RASSF3: variants seen among roughly 807,000 people sequenced by gnomAD.
RASSF3 encodes the protein Ras association domain family member 3.
RASSF3 carries 19 observed loss-of-function variants against 19.9 expected under a neutral mutation model. The observed-to-expected ratio is 0.96, with a 90% CI of 0.67 to 1.40. The LOEUF (loss-of-function observed/expected upper bound fraction) is 1.40. RASSF3 is among the 40% of genes most tolerant of loss of function. The pLI is 0.00. For missense variants in RASSF3, 306 were observed against 289.8 expected (o/e 1.06, Z -0.41); for synonymous variants, 110 against 104.2 (o/e 1.06, Z -0.34).
rs533167484 is a variant in RASSF3 at position 64,675,047 on chromosome 12, C to G, written c.112-9740C>G. Among the ~76,000 whole-genome samples, 253 of 106,908 alleles carry G rather than the reference C, an allele frequency of 2.4e-3. 35 individuals are homozygous for G. The highest frequency in any genetic ancestry group is 9.6e-3 in the African/African-American group (241 of 25,228). 70.1% of individuals were successfully genotyped at this position (106,908 alleles called of 152,430 possible). A position where few individuals can be genotyped will look rare whatever the true frequency, so the allele number is the denominator to read the frequency against. ...AAGTTGTCTAAAATACCCACCTAGC[C>G]CCCCCCCCCCCCGCCACCCCGGCTT... On this transcript the variant is annotated intron_variant, in intron 1 of 4. Transcript: ENST00000542104.
chr12:64,532,520 T>C (rs571126176), upstream of RASSF3, among the ~76,000 whole-genome samples: 1 of 152,246 alleles, frequency 6.6e-6, no homozygotes, highest in African/African-American at 2.4e-5. Context: ...GCACTTTTCA[T>C]ACTTATCGCA....
At chr12:64,637,471 C>T (rs2136179007) in intron 1 of RASSF3, among the ~76,000 whole-genome samples, 1 of 150,644 alleles carries the variant, frequency 6.6e-6, no homozygotes, top group East Asian at 1.9e-4. Context: ...TTGCCCAGGC[C>T]CAGGCTGGAG....
At position 64,610,817 on chromosome 12, in the gene RASSF3, C is replaced by T. The variant is rs1870327478; in HGVS notation, c.111+74C>T. On this transcript the variant is annotated intron_variant, in intron 1 of 4. Transcript: ENST00000542104. ...GAACCCGCCAGCCCGCGCCCCCTGC[C>T]TCCACGTGTCTCTGCGGGGCGCTCG... 1.0e-5 allele frequency: 9 copies of T among 863,728 alleles called. 1 individual carries two copies. The South Asian group carries it at 1.6e-4, about 15-fold the overall frequency. The allele number at this position is 863,728 out of a possible 1,614,324, so 53.5% of individuals were successfully genotyped here.
intron 2 of RASSF3, among the ~76,000 whole-genome samples, chr12:64,602,676 A>G (rs907580776): frequency 1.3e-5 from 2 of 152,122 alleles, no homozygotes; most frequent in Admixed American, 6.5e-5. Flanking sequence ...CGCTGAGCCC[A>G]GGAGTTCGAG....
chr12:64,610,915 G>A (rs1870332529), intron 1 of RASSF3, among the ~76,000 whole-genome samples, 172 bp downstream of exon 1: 1 of 152,162 alleles, frequency 6.6e-6, no homozygotes, highest in African/African-American at 2.4e-5. Context: ...GAACGTGCCT[G>A]GAGCTTGTGC....
chr12:64,695,046 C>T lies in RASSF3; in HGVS notation c.*134C>T, dbSNP rs142910563. The T allele has an allele frequency of 6.9e-4, 669 of 964,248 alleles. 2 individuals are homozygous for T. The African/African-American group carries it at 0.01, about 15-fold the overall frequency. The allele number at this position is 964,248 out of a possible 1,614,324, so 59.7% of individuals were successfully genotyped here. A position where few individuals can be genotyped will look rare whatever the true frequency, so the allele number is the denominator to read the frequency against. On this transcript the variant is annotated 3_prime_UTR_variant, in exon 5 of 5. Coordinates refer to ENST00000542104, the MANE Select transcript of RASSF3 (RefSeq NM_178169.4). ...CGCCTTTCTATCTGTAGATTTTGTT[C>T]CCCAAACCTGGTCACACAGCATCCT...
chr12:64,654,830 A>T (rs1872100164), intron 1 of RASSF3: 1 of 152,242 alleles, frequency 6.6e-6, no homozygotes, highest in Non-Finnish European at 1.5e-5. Context: ...ATGCCACTGC[A>T]CTCCAGCCTG....
chr12:64,674,495 C>T (rs753842071), intron 1 of RASSF3, among the ~76,000 whole-genome samples: 46 of 152,268 alleles, frequency 3.0e-4, no homozygotes, highest in Non-Finnish European at 5.7e-4. Flanking sequence ...GTAGGAGGAT[C>T]GCTTGAGCCT....
intron 1 of RASSF3, among the ~76,000 whole-genome samples, chr12:64,631,769 C>G (rs1396800348): frequency 6.6e-6 from 1 of 151,996 alleles, no homozygotes; most frequent in Non-Finnish European, 1.5e-5. Context: ...GGAGTTTTGC[C>G]ATGTTGGCCA....
At chr12:64,607,444 A>G (rs1184648323), upstream of RASSF3, among the ~76,000 whole-genome samples, 1 of 152,038 alleles carries the variant, frequency 6.6e-6, no homozygotes, top group Non-Finnish European at 1.5e-5. Flanking sequence ...ATCTTGGCTC[A>G]CTGCAACCTC....
intron 1 of RASSF3, among the ~76,000 whole-genome samples, chr12:64,673,755 T>C (rs1361427821): frequency 6.6e-6 from 1 of 151,962 alleles, no homozygotes; most frequent in African/African-American, 2.4e-5. Context: ...GTGAAATATA[T>C]CACGTTTCAG....
chr12:64,582,604 G>C (rs921316083), intron 2 of RASSF3, among the ~76,000 whole-genome samples: 2 of 152,130 alleles, frequency 1.3e-5, no homozygotes, highest in Non-Finnish European at 2.9e-5. Flanking sequence ...GGACTTTGAG[G>C]GGTAGGTGAG....
chr12:64,638,716 C>T (rs572548268), intron 1 of RASSF3, among the ~76,000 whole-genome samples: 2 of 152,216 alleles, frequency 1.3e-5, no homozygotes, highest in African/African-American at 4.8e-5. Flanking sequence ...TCCCCCAGTT[C>T]ATTTTGATCA....
downstream of RASSF3, among the ~76,000 whole-genome samples, chr12:64,542,608 G>C (rs183590174): frequency 8.8e-4 from 134 of 152,126 alleles, 1 homozygote; most frequent in African/African-American, 3.1e-3. Flanking sequence ...CTATTTTTTC[G>C]GCCAAGCACA....
intron 1 of RASSF3, among the ~76,000 whole-genome samples, chr12:64,653,003 GT>G (rs1872017606): frequency 6.6e-6 from 1 of 152,134 alleles, no homozygotes; most frequent in African/African-American, 2.4e-5. Flanking sequence ...TCTCTCATTG[GT>G]TTATACATGA....
chr12:64,515,058 T>C (rs1202010239), intron 1 of RASSF3, among the ~76,000 whole-genome samples: 1 of 151,944 alleles, frequency 6.6e-6, no homozygotes, highest in Non-Finnish European at 1.5e-5. Flanking sequence ...TATTTATTTT[T>C]ATTTATTTTT....
At chr12:64,529,986 T>A (rs1020590944), upstream of RASSF3, among the ~76,000 whole-genome samples, 1 of 152,128 alleles carries the variant, frequency 6.6e-6, no homozygotes, top group African/African-American at 2.4e-5. Flanking sequence ...TCTACCAACC[T>A]ACTCCCATCT....
rs533167484 is a variant in RASSF3, at chr12:64,675,047, C to A, written c.112-9740C>A. Among the ~76,000 whole-genome samples, 4 of 106,858 alleles carry A rather than the reference C, an allele frequency of 3.7e-5. 1 individual carries two copies. The highest frequency in any genetic ancestry group is 7.9e-5 in the African/African-American group (2 of 25,176). The allele number at this position is 106,858 out of a possible 152,430, so 70.1% of individuals were successfully genotyped here. A position where few individuals can be genotyped will look rare whatever the true frequency, so the allele number is the denominator to read the frequency against. Reference sequence around the variant, plus strand: ...AAGTTGTCTAAAATACCCACCTAGCCCCCCCCCCCCCCGCCACCCCGGCTT... The same window carrying A: ...AAGTTGTCTAAAATACCCACCTAGCACCCCCCCCCCCCGCCACCCCGGCTT... On this transcript the variant is annotated intron_variant, in intron 1 of 4. Transcript: ENST00000542104.
Position 64,642,239 on chromosome 12 carries a change from G to A in RASSF3, c.111+31496G>A, listed in dbSNP as rs73321717. 7.0e-3 allele frequency among the ~76,000 whole-genome samples: 1,067 copies of A among 152,080 alleles called. 15 individuals carry two copies. Among genetic ancestry groups the A allele is most frequent in the African/African-American group, 0.025 (1,027 of 41,492 alleles). ...AAACTATCTTAAGGAAAAAAGTCAAGGATATATGAAAATATTTCTTATGAG... is the reference window on the plus strand; with the variant it reads ...AAACTATCTTAAGGAAAAAAGTCAAAGATATATGAAAATATTTCTTATGAG... On this transcript the variant is annotated intron_variant, in intron 1 of 4. Coordinates refer to ENST00000542104, the MANE Select transcript of RASSF3 (RefSeq NM_178169.4).
Sources: gnomAD v4.1 joint callset for allele counts (sites outside exome capture counted in the v4.1 genomes callset) on GRCh38, gnomAD v4.1.1 for gene constraint, MANE v1.5 for transcripts, NCBI Gene and HGNC (gene_info 2026-07-23, HGNC 2026-07-21) for gene names.